Variants in RNF13 observed in about 807,000 individuals in gnomAD.
RNF13 encodes the protein E3 ubiquitin-protein ligase RNF13.
Under a neutral mutation model 37.7 loss-of-function variants are expected in RNF13, and 19 were observed. That is an observed-to-expected ratio of 0.50 (90% CI 0.35 to 0.74). The LOEUF (loss-of-function observed/expected upper bound fraction) is 0.74. Among genes scored for constraint, RNF13 ranks in the 30% least tolerant of loss-of-function variants. The probability of loss-of-function intolerance (pLI) is 0.01; values close to 1 mark genes in which losing one functional copy is unlikely to be tolerated. For synonymous variants in RNF13, 144 were observed against 157.8 expected (o/e 0.91, Z 0.65); for missense variants, 375 against 453.0 (o/e 0.83, Z 1.56).
At chr3:149,896,591 T>C (rs1483718418) in intron 5 of RNF13, among the ~76,000 whole-genome samples, 1 of 151,960 alleles carries the variant, frequency 6.6e-6, no homozygotes, top group Non-Finnish European at 1.5e-5. Context: ...GCGATTCTCC[T>C]GCCTCAGCCT....
rs1713208072 is a variant in RNF13, at chr3:149,880,068, T to C, written c.321+7914T>C. The stretch of plus-strand genomic sequence containing the variant: ...AGTAATGGAGGAGTATACTCAGAGA[T>C]CTGTCGCTGGGTGGCGCTGAACATC... On this transcript the variant is annotated intron_variant, in intron 4 of 9. Coordinates refer to ENST00000392894, the MANE Select transcript of RNF13 (RefSeq NM_183381.3). 2.0e-5 allele frequency among the ~76,000 whole-genome samples: 3 copies of C among 152,204 alleles called. No individual in the cohort carries two copies. In the South Asian group the frequency reaches 6.2e-4, roughly 32 times the overall value.
chr3:149,886,632 A>G (rs1324270676), intron 4 of RNF13, among the ~76,000 whole-genome samples: 1 of 152,150 alleles, frequency 6.6e-6, no homozygotes, highest in Non-Finnish European at 1.5e-5. Flanking sequence ...AACTGCCTGT[A>G]CAATACTAAA....
intron 4 of RNF13, among the ~76,000 whole-genome samples, chr3:149,885,204 C>A (rs1407323060): frequency 6.6e-6 from 1 of 152,118 alleles, no homozygotes; most frequent in Admixed American, 6.5e-5. Context: ...GCTTGGGTAT[C>A]TCTTTCATAT....
At chr3:149,829,176 T>C (rs1237312551) in intron 1 of RNF13, among the ~76,000 whole-genome samples, 1 of 152,184 alleles carries the variant, frequency 6.6e-6, no homozygotes, top group East Asian at 1.9e-4. Flanking sequence ...CTTGGCTCAC[T>C]GCAACCTCTT....
intron 8 of RNF13, among the ~76,000 whole-genome samples, chr3:149,927,883 C>T (rs1296861603): frequency 1.3e-5 from 2 of 151,810 alleles, no homozygotes; most frequent in African/African-American, 4.8e-5. Context: ...ATATTTTTTC[C>T]CATTCTGTCA....
intron 8 of RNF13, among the ~76,000 whole-genome samples, chr3:149,929,509 T>C (rs1315470116): frequency 6.6e-6 from 1 of 152,232 alleles, no homozygotes; most frequent in African/African-American, 2.4e-5. Context: ...GTTTTACTTC[T>C]TTCTTTCCAA....
intron 4 of RNF13, among the ~76,000 whole-genome samples, chr3:149,884,899 T>TC (rs1317172601): frequency 2.0e-5 from 3 of 151,548 alleles, no homozygotes; most frequent in Non-Finnish European, 2.9e-5. Flanking sequence ...CATCCCCATC[T>TC]CCCCCCACTA....
At chr3:149,910,466 G>A (rs1289277696) in intron 6 of RNF13, among the ~76,000 whole-genome samples, 1 of 151,996 alleles carries the variant, frequency 6.6e-6, no homozygotes, top group Non-Finnish European at 1.5e-5. Context: ...TTTTTTGTTT[G>A]TTGAAGCTTG....
At chr3:149,886,699 T>G (rs1714074855) in intron 4 of RNF13, among the ~76,000 whole-genome samples, 1 of 152,188 alleles carries the variant, frequency 6.6e-6, no homozygotes, top group Non-Finnish European at 1.5e-5. Context: ...AGGCATTAAG[T>G]CTTTTAACCT....
At chr3:149,880,531 T>G (rs1713266545) in intron 4 of RNF13, among the ~76,000 whole-genome samples, 1 of 152,178 alleles carries the variant, frequency 6.6e-6, no homozygotes, top group Non-Finnish European at 1.5e-5. Flanking sequence ...CAGTTTTAAC[T>G]TAAGCATAAC....
At chr3:149,888,763 TG>T (rs1386681197) in intron 4 of RNF13, among the ~76,000 whole-genome samples, 1 of 152,202 alleles carries the variant, frequency 6.6e-6, no homozygotes, top group Admixed American at 6.5e-5. Context: ...CTTGCAGGTG[TG>T]TAGCCTGGAC....
At chr3:149,902,411 T>C (rs1715942287) in intron 6 of RNF13, among the ~76,000 whole-genome samples, 1 of 152,032 alleles carries the variant, frequency 6.6e-6, no homozygotes, top group South Asian at 2.1e-4. Context: ...AAAGATAACT[T>C]TTCATTTTGA....
chr3:149,842,403 A>C (rs1304598636), intron 1 of RNF13, among the ~76,000 whole-genome samples: 1 of 152,196 alleles, frequency 6.6e-6, no homozygotes, highest in Non-Finnish European at 1.5e-5. Flanking sequence ...TTGCTATGTT[A>C]AGCCCTTCTG....
chr3:149,839,805 C>T (rs569623181), intron 1 of RNF13, among the ~76,000 whole-genome samples: 1 of 152,308 alleles, frequency 6.6e-6, no homozygotes, highest in South Asian at 2.1e-4. Flanking sequence ...TTTCCGTTGT[C>T]TCCATTATTC....
intron 8 of RNF13, among the ~76,000 whole-genome samples, chr3:149,947,022 C>CA (rs1446943624): frequency 6.6e-6 from 1 of 151,958 alleles, no homozygotes; most frequent in Non-Finnish European, 1.5e-5. Context: ...TTATTTGACC[C>CA]ATTGGTTGTT....
At chr3:149,866,332 A>T (rs1724818039) in intron 3 of RNF13, among the ~76,000 whole-genome samples, 1 of 152,188 alleles carries the variant, frequency 6.6e-6, no homozygotes, top group Non-Finnish European at 1.5e-5. Flanking sequence ...CAAGGGGTAG[A>T]TTATTTATGC....
intron 4 of RNF13, among the ~76,000 whole-genome samples, chr3:149,876,050 A>G (rs1214165650): frequency 1.3e-5 from 2 of 152,232 alleles, no homozygotes; most frequent in Non-Finnish European, 2.9e-5. Context: ...TTTCAGAGCT[A>G]TACAATTTTC....
intron 7 of RNF13, among the ~76,000 whole-genome samples, chr3:149,918,373 G>C (rs1717766688): frequency 6.6e-6 from 1 of 152,088 alleles, no homozygotes; most frequent in Admixed American, 6.6e-5. Flanking sequence ...CCGAGCTTGT[G>C]AATGTATGTA....
chr3:149,933,883 C>T (rs368158179), intron 8 of RNF13, among the ~76,000 whole-genome samples: 99 of 152,278 alleles, frequency 6.5e-4, no homozygotes, highest in African/African-American at 2.3e-3. Context: ...CATGCTCAGC[C>T]TCTAACAGTT....
Sources: allele counts gnomAD v4.1 joint callset (sites outside exome capture counted in the v4.1 genomes callset), GRCh38; gene constraint gnomAD v4.1.1; transcripts MANE v1.5; gene names NCBI Gene and HGNC (gene_info 2026-07-23, HGNC 2026-07-21).